The following EYS variants were observed in gnomAD, a reference collection of about 807,000 sequenced individuals.
EYS encodes the protein protein eyes shut homolog.
EYS carries 250 observed loss-of-function variants against 282.1 expected under a neutral mutation model. That is an observed-to-expected ratio of 0.89 (90% CI 0.80 to 0.98). The LOEUF is 0.98. EYS is among the 50% of genes least tolerant of loss of function. EYS has a pLI of 0.00. For synonymous variants in EYS, 1,355 were observed against 1,282.9 expected (o/e 1.06, Z -1.20); for missense variants, 4,016 against 3,709.0 (o/e 1.08, Z -2.15).
chr6:65,354,211 T>C (rs962483251), intron 8 of EYS, among the ~76,000 whole-genome samples: 1 of 152,032 alleles, frequency 6.6e-6, no homozygotes, highest in Non-Finnish European at 1.5e-5. Context: ...GCTACTTAGG[T>C]ATTAGGAAGA....
chr6:65,106,951 C>G (rs940861872), intron 12 of EYS, among the ~76,000 whole-genome samples: 1 of 151,910 alleles, frequency 6.6e-6, no homozygotes, highest in Non-Finnish European at 1.5e-5. Context: ...ATTATTTATC[C>G]TCACAGCAAA....
chr6:64,528,938 A>G (rs1337517), intron 26 of EYS, among the ~76,000 whole-genome samples: 39,699 of 151,810 alleles, frequency 0.26, 5,642 homozygotes, highest in East Asian at 0.36. Flanking sequence ...ACAATAAATA[A>G]TTTTCTTATA....
At chr6:64,975,815 T>A (rs1316391021) in intron 14 of EYS, among the ~76,000 whole-genome samples, 1 of 151,976 alleles carries the variant, frequency 6.6e-6, no homozygotes, top group South Asian at 2.1e-4. Flanking sequence ...AAATAAACAT[T>A]TTTATTACAT....
intron 11 of EYS, among the ~76,000 whole-genome samples, chr6:65,326,452 TGA>T (rs1769624799): frequency 6.6e-6 from 1 of 151,456 alleles, no homozygotes; most frequent in Non-Finnish European, 1.5e-5. Context: ...CTCATATATA[TGA>T]GTCAGTGTCT....
At position 64,638,148 on chromosome 6, in the gene EYS, TAAAAATTCTTTATTTTATGAAA is replaced by T. The variant is rs1258701066; in HGVS notation, c.3444-11925_3444-11904del. Among the ~76,000 whole-genome samples, 25 of 91,108 alleles carry T rather than the reference TAAAAATTCTTTATTTTATGAAA, an allele frequency of 2.7e-4. 11 individuals are homozygous for T. The highest frequency in any genetic ancestry group is 5.4e-4 in the Non-Finnish European group (23 of 42,264). 59.8% of individuals were successfully genotyped at this position (91,108 alleles called of 152,430 possible). A position where few individuals can be genotyped will look rare whatever the true frequency, so the allele number is the denominator to read the frequency against. ...CTGAGAATACAACTATATGATATTT[TAAAAATTCTTTATTTTATGAAA>T]AAACAATTTTAAACACAGGCAGACT... On this transcript the variant is annotated intron_variant, in intron 22 of 42. Coordinates refer to ENST00000503581, the MANE Select transcript of EYS (RefSeq NM_001142800.2).
intron 33 of EYS, among the ~76,000 whole-genome samples, chr6:64,038,777 C>CT (rs1458523120): frequency 6.6e-6 from 1 of 151,136 alleles, no homozygotes. Flanking sequence ...ACCTAATTTT[C>CT]TTTTTACTTT....
chr6:64,794,226 AT>A (rs976058537), intron 22 of EYS, among the ~76,000 whole-genome samples: 2 of 152,168 alleles, frequency 1.3e-5, no homozygotes, highest in African/African-American at 4.8e-5. Flanking sequence ...CTCAAAGAGA[AT>A]TTTTTTACCT....
At chr6:64,818,151 ATCC>A (rs1455124368) in intron 21 of EYS, among the ~76,000 whole-genome samples, 6 of 152,182 alleles carry the variant, frequency 3.9e-5, no homozygotes, top group Non-Finnish European at 5.9e-5. Context: ...GATACATGCC[ATCC>A]TCCTAAGTCT....
intron 2 of EYS, among the ~76,000 whole-genome samples, chr6:65,553,680 TAA>T (rs928321262): frequency 1.5e-4 from 23 of 152,010 alleles, no homozygotes; most frequent in African/African-American, 5.6e-4. Context: ...AAAACATCTC[TAA>T]AACACCTTAA....
At chr6:65,060,300 C>T (rs182545291) in intron 12 of EYS, among the ~76,000 whole-genome samples, 5 of 151,488 alleles carry the variant, frequency 3.3e-5, no homozygotes, top group African/African-American at 1.2e-4. Flanking sequence ...ATTTTATCCT[C>T]ATTAATATAT....
At position 65,217,604 on chromosome 6, in the gene EYS, G is replaced by A. The variant is rs373825458; in HGVS notation, c.2023+78259C>T. On this transcript the variant is annotated intron_variant, in intron 12 of 42. Transcript: ENST00000503581. ...TCCTTTAATTAGGGTAATCACAGAA[G>A]GCATTTTTGAGGAAGTAATAGTTCT... Among the ~76,000 whole-genome samples the A allele has an allele frequency of 3.2e-4, 48 of 152,028 alleles. No homozygotes were observed. In the South Asian group the frequency reaches 1.0e-2, roughly 32 times the overall value.
chr6:64,842,505 A>G (rs1226101592), intron 19 of EYS, among the ~76,000 whole-genome samples: 1 of 151,952 alleles, frequency 6.6e-6, no homozygotes, highest in Non-Finnish European at 1.5e-5. Context: ...CAATTTGGAG[A>G]GCTCAGGAGA....
intron 1 of EYS, among the ~76,000 whole-genome samples, chr6:65,689,922 A>AG (rs1199251106): frequency 4.0e-5 from 6 of 149,724 alleles, no homozygotes; most frequent in African/African-American, 7.3e-5. Context: ...AGCTGGGTCC[A>AG]GGGGGGTCAC....
chr6:64,940,125 A>G (rs1331249895), intron 15 of EYS, among the ~76,000 whole-genome samples: 1 of 152,018 alleles, frequency 6.6e-6, no homozygotes, highest in East Asian at 1.9e-4. Flanking sequence ...CAGAGCAAAG[A>G]CCCACTCTTT....
chr6:64,731,597 A>C (rs1239094294), intron 22 of EYS, among the ~76,000 whole-genome samples: 1 of 152,244 alleles, frequency 6.6e-6, no homozygotes, highest in African/African-American at 2.4e-5. Context: ...AATGCAGATC[A>C]AAACCACAAT....
chr6:65,339,934 C>T (rs1439560804), intron 10 of EYS, among the ~76,000 whole-genome samples: 1 of 151,034 alleles, frequency 6.6e-6, no homozygotes, highest in African/African-American at 2.4e-5. Flanking sequence ...TAAAGTACAT[C>T]CTATAAGAAA....
intron 12 of EYS, among the ~76,000 whole-genome samples, chr6:65,166,733 C>T (rs893343045): frequency 2.0e-5 from 3 of 150,662 alleles, no homozygotes; most frequent in African/African-American, 7.3e-5. Context: ...CAAAGGACAC[C>T]ATCAGAAAAG....
chr6:65,161,151 T>C (rs1048294868), intron 12 of EYS, among the ~76,000 whole-genome samples: 4 of 151,248 alleles, frequency 2.6e-5, no homozygotes, highest in African/African-American at 9.7e-5. Flanking sequence ...TGGCTACTGC[T>C]TAACTTTCTG....
At chr6:64,724,884 A>G (rs1280539930) in intron 22 of EYS, among the ~76,000 whole-genome samples, 1 of 152,060 alleles carries the variant, frequency 6.6e-6, no homozygotes, top group Non-Finnish European at 1.5e-5. Context: ...ATTTTGCTAT[A>G]GAAATTATGG....
Sources: gnomAD v4.1 joint callset for allele counts (sites outside exome capture counted in the v4.1 genomes callset) on GRCh38, gnomAD v4.1.1 for gene constraint, MANE v1.5 for transcripts, NCBI Gene and HGNC (gene_info 2026-07-23, HGNC 2026-07-21) for gene names.